Variants in CCDC7 observed in about 807,000 individuals in gnomAD.
CCDC7 encodes coiled-coil domain containing 7.
CCDC7 carries 183 observed loss-of-function variants against 196.9 expected under a neutral mutation model. That is an observed-to-expected ratio of 0.93 (90% CI 0.82 to 1.05). CCDC7 has a LOEUF of 1.05. Among genes scored for constraint, CCDC7 ranks in the 50% least tolerant of loss-of-function variants. CCDC7 has a pLI of 0.00. For synonymous variants in CCDC7, 525 were observed against 484.6 expected, an observed-to-expected ratio of 1.08 and a Z score of -1.10; for missense variants, 1,540 against 1,482.2, an observed-to-expected ratio of 1.04 and a Z score of -0.64.
chr10:32,788,179 G>T (rs1272211644), intron 29 of CCDC7, among the ~76,000 whole-genome samples: 1 of 152,080 alleles, frequency 6.6e-6, no homozygotes, highest in Non-Finnish European at 1.5e-5. Context: ...CCCAGAGCCA[G>T]GTCAGCCCCA....
At position 32,810,138 on chromosome 10, in the gene CCDC7, G is replaced by A. The variant is rs537708449; in HGVS notation, c.3098-4232G>A. ...AACACAAGAGAAAGAAAGAAACAAA[G>A]GATAAAGAAAACAACCAGAAAATAA... is the stretch of plus-strand genomic sequence containing the variant. On this transcript the variant is annotated intron_variant, in intron 30 of 41. Coordinates refer to ENST00000639629, the Ensembl canonical transcript of CCDC7. 1.5e-3 allele frequency among the ~76,000 whole-genome samples: 222 copies of A among 151,960 alleles called. 1 individual carries two copies. The highest frequency in any genetic ancestry group is 5.0e-3 in the African/African-American group (206 of 41,434).
At chr10:32,569,392 G>A (rs1178704868) in intron 15 of CCDC7, among the ~76,000 whole-genome samples, 1 of 152,170 alleles carries the variant, frequency 6.6e-6, no homozygotes, top group East Asian at 1.9e-4. Flanking sequence ...TCTATTTGAT[G>A]CTATTCTGAA....
chr10:32,736,594 T>A (rs150573477), intron 28 of CCDC7, among the ~76,000 whole-genome samples: 4 of 150,558 alleles, frequency 2.7e-5, no homozygotes, highest in African/African-American at 7.3e-5. Flanking sequence ...CCTGTGTCCA[T>A]GTGTTCTCAT....
intron 28 of CCDC7, among the ~76,000 whole-genome samples, chr10:32,755,451 T>C (rs1236080097): frequency 2.6e-5 from 4 of 152,096 alleles, no homozygotes; most frequent in African/African-American, 9.7e-5. Context: ...TAACATTTGC[T>C]GTTCTGCAGC....
chr10:32,688,996 C>G (rs1394534991), intron 22 of CCDC7, 57 bp from the exon 24 acceptor site: 1 of 1,115,474 alleles, frequency 9.0e-7, no homozygotes, highest in East Asian at 2.4e-5. Context: ...TTGAAATCTA[C>G]AGATTTCAAA....
chr10:32,614,314 C>G (rs909164931), intron 18 of CCDC7, among the ~76,000 whole-genome samples: 5 of 150,818 alleles, frequency 3.3e-5, no homozygotes, highest in African/African-American at 1.2e-4. Context: ...TATTTTTAGC[C>G]TACGTGTGTC....
chr10:32,631,152 T>G (rs1035948300), intron 18 of CCDC7, among the ~76,000 whole-genome samples: 3 of 152,226 alleles, frequency 2.0e-5, no homozygotes, highest in Non-Finnish European at 2.9e-5. Context: ...AAAAAAAATT[T>G]TAATTGTGAA....
chr10:32,685,646 A>G (rs115205679), intron 21 of CCDC7, among the ~76,000 whole-genome samples: 1,582 of 152,362 alleles, frequency 0.01, 19 homozygotes, highest in African/African-American at 0.035. Context: ...AAATAATGCC[A>G]TAATGATAAA....
rs74697502 is a variant in CCDC7 at position 32,644,887 on chromosome 10, T to C, written c.2014+9729T>C. On this transcript the variant is annotated intron_variant, in intron 20 of 41. Transcript: ENST00000639629. ...TACAGATCTGTCTTTATCAGCAACA[T>C]GAAAGTGTACGAATACAACTGGATA... Among the ~76,000 whole-genome samples the C allele has an allele frequency of 1.6e-3, 241 of 152,314 alleles. 9 individuals carry two copies. In the East Asian group the frequency reaches 0.045, roughly 28 times the overall value.
chr10:32,820,583 A>T (rs1340180189), intron 31 of CCDC7, among the ~76,000 whole-genome samples: 5 of 152,174 alleles, frequency 3.3e-5, no homozygotes, highest in Admixed American at 2.0e-4. Context: ...AGGCTACAGT[A>T]ACCAAAAGAG....
At chr10:32,834,770 A>C (rs757583584) in intron 32 of CCDC7, 45 bp from the exon 34 acceptor site, 9 of 844,856 alleles carry the variant, frequency 1.1e-5, no homozygotes, top group Non-Finnish European at 1.8e-5. Flanking sequence ...CATATGTTAC[A>C]ATTTACCTTT....
chr10:32,517,772 A>G, intron 9 of CCDC7, among the ~76,000 whole-genome samples, 173 bp from the exon 11 acceptor site: 1 of 151,944 alleles, frequency 6.6e-6, no homozygotes, highest in South Asian at 2.1e-4. Context: ...AAAGTATAAT[A>G]ATAATAAAAT....
At chr10:32,633,091 A>G (rs553841214) in intron 18 of CCDC7, among the ~76,000 whole-genome samples, 2 of 152,192 alleles carry the variant, frequency 1.3e-5, no homozygotes, top group East Asian at 3.9e-4. Flanking sequence ...ATTGCTAATG[A>G]TTGGGCATGA....
intron 2 of CCDC7, among the ~76,000 whole-genome samples, chr10:32,453,665 G>A (rs1268371576): frequency 6.6e-6 from 1 of 152,088 alleles, no homozygotes; most frequent in Non-Finnish European, 1.5e-5. Flanking sequence ...ATACCCATTA[G>A]GAATGACCAA....
chr10:32,467,236 G>C (rs1350996462), intron 5 of CCDC7, among the ~76,000 whole-genome samples: 1 of 151,304 alleles, frequency 6.6e-6, no homozygotes, highest in Non-Finnish European at 1.5e-5. Flanking sequence ...CAAGTAGCTG[G>C]GACTACAGGT....
chr10:32,463,158 T>C (rs1198093070), intron 5 of CCDC7, 109 bp downstream of exon 6: 3 of 1,389,842 alleles, frequency 2.2e-6, no homozygotes, highest in African/African-American at 2.9e-5. Flanking sequence ...GAATAACTGT[T>C]GGTTATAAAG....
intron 25 of CCDC7, among the ~76,000 whole-genome samples, chr10:32,714,890 A>G (rs1346120363): frequency 6.6e-6 from 1 of 152,204 alleles, no homozygotes; most frequent in Non-Finnish European, 1.5e-5. Flanking sequence ...GAAAGGCAGT[A>G]GCCCCAGCCA....
chr10:32,555,969 C>A (rs1216234409), intron 13 of CCDC7, among the ~76,000 whole-genome samples: 1 of 152,066 alleles, frequency 6.6e-6, no homozygotes, highest in Non-Finnish European at 1.5e-5. Flanking sequence ...AAGAAGGATC[C>A]CTAGTAGCAA....
At chr10:32,796,872 T>C (rs2083653528) in intron 29 of CCDC7, among the ~76,000 whole-genome samples, 1 of 152,162 alleles carries the variant, frequency 6.6e-6, no homozygotes, top group Admixed American at 6.5e-5. Flanking sequence ...TAATAACATA[T>C]AAAAATAACC....
Sources: allele counts gnomAD v4.1 joint callset (sites outside exome capture counted in the v4.1 genomes callset), GRCh38; gene constraint gnomAD v4.1.1; transcripts MANE v1.5; gene names NCBI Gene and HGNC (gene_info 2026-07-23, HGNC 2026-07-21).